CISD3: variants seen among roughly 807,000 people sequenced by gnomAD.
CISD3 encodes the protein CDGSH iron sulfur domain 3.
A neutral mutation model predicts 14.1 loss-of-function variants in CISD3; 11 were observed. That is an observed-to-expected ratio of 0.78 (90% confidence interval 0.49 to 1.29). The LOEUF (loss-of-function observed/expected upper bound fraction) is 1.29. Ranked by LOEUF, CISD3 falls within the 50% of genes most tolerant of loss-of-function variation. The pLI is 0.00. For missense variants in CISD3, 156 were observed against 171.6 expected (o/e 0.91, Z 0.51); for synonymous variants, 53 against 69.2 (o/e 0.77, Z 1.16).
Position 38,733,428 on chromosome 17 carries a change from G to T in CISD3, c.357G>T (p.Gln119His). ...CDGTHRSERV[Q>H]KAEVGSPL ...GCACCCACAGGAGTGAGCGCGTGCA[G>T]AAGGCAGAAGTGGGCTCCCCACTCT... Residue 119 changes from glutamine to histidine, a missense_variant, in exon 4 of 4, where the codon CAG (glutamine) becomes CAT (histidine). Transcript: ENST00000613478. 6.5e-7 allele frequency: 1 copy of T among 1,544,204 alleles called. No individual in the cohort carries two copies. Among genetic ancestry groups the T allele is most frequent in the Non-Finnish European group, 8.8e-7 (1 of 1,141,652 alleles).
rs758928043 is a variant in CISD3 at position 38,730,793 on chromosome 17, C to CT, written c.83dup (p.Ala29GlyfsTer6). On this transcript the variant is annotated frameshift_variant and splice_region_variant, in exon 2 of 4. Transcript: ENST00000613478. LOFTEE classifies it high-confidence loss of function. ...CCCGCGGCGGGACATCTCCTCCTGG[C>CT]TGGTGAGTCCCCCCATCCTCCCCTC... The CT allele has an allele frequency of 1.1e-4, 166 of 1,551,634 alleles. No homozygotes were observed. Among genetic ancestry groups the CT allele is most frequent in the Non-Finnish European group, 1.4e-4 (160 of 1,146,876 alleles).
Position 38,734,825 on chromosome 17 carries a change from A to G in CISD3, c.*1370A>G, listed in dbSNP as rs1906548998. ...ATCATGCCTAAAGCTTTGGGTCTGA[A>G]GGGGCCCCCAACACACCACCTGCCT... On this transcript the variant is annotated 3_prime_UTR_variant, in exon 4 of 4. Transcript: ENST00000613478. 2 of 160,584 alleles carry G rather than the reference A, an allele frequency of 1.2e-5. No individual in the cohort carries two copies. Among genetic ancestry groups the G allele is most frequent in the Non-Finnish European group, 2.7e-5 (2 of 73,872 alleles). 9.9% of individuals were successfully genotyped at this position (160,584 alleles called of 1,614,324 possible).
At chr17:38,733,225 C>CTGCCG (rs1224478997) in intron 3 of CISD3, 51 bp from the exon 4 acceptor site, 1 of 1,544,200 alleles carries the variant, frequency 6.5e-7, no homozygotes, top group Non-Finnish European at 8.8e-7. Flanking sequence ...CTGCCCTGCC[C>CTGCCG]TGCCCCAGCA....
Position 38,733,262 on chromosome 17 carries a change from CT to C in CISD3, c.205-11del. 1 of 1,551,436 alleles carries C rather than the reference CT, an allele frequency of 6.4e-7. No individual in the cohort carries two copies. The highest frequency in any genetic ancestry group is 8.7e-7 in the Non-Finnish European group (1 of 1,146,960). ...GTGGGGTCAGGTCTTTGACTCCTGT[CT>C]TTCCCCCACCAGCCCTTCTGTGACG... On this transcript the variant is annotated splice_polypyrimidine_tract_variant and intron_variant, in intron 3 of 3. Coordinates refer to ENST00000613478, the MANE Select transcript of CISD3 (RefSeq NM_001136498.2).
At position 38,735,235 on chromosome 17, in the gene CISD3, G is replaced by C. The variant is rs371320094; in HGVS notation, c.*1780G>C. ...AGGGTCCCTGGCCTCAAGTTAAGGG[G>C]GGCACGGGAGCGCCGTTGACAGTCA... On this transcript the variant is annotated 3_prime_UTR_variant, in exon 4 of 4. Transcript: ENST00000613478. The C allele has an allele frequency of 2.1e-6, 3 of 1,440,614 alleles. 1 individual carries two copies. Among genetic ancestry groups the C allele is most frequent in the South Asian group, 3.0e-5 (2 of 67,784 alleles). 89.2% of individuals were successfully genotyped at this position (1,440,614 alleles called of 1,614,324 possible). A position where few individuals can be genotyped will look rare whatever the true frequency, so the allele number is the denominator to read the frequency against.
At chr17:38,731,266 C>T (rs1000257530) in intron 2 of CISD3, 54 bp from the exon 3 acceptor site, 37 of 1,539,720 alleles carry the variant, frequency 2.4e-5, no homozygotes, top group African/African-American at 6.9e-5. Flanking sequence ...GCAGGCCGGA[C>T]GGTGCTTCCA....
rs1714085338 is a variant in CISD3, at chr17:38,735,259, C to G, written c.*1804C>G. ...GGGGCACGGGAGCGCCGTTGACAGT[C>G]ATCTTGCGCCCCCTGCTGGTGGAGG... On this transcript the variant is annotated 3_prime_UTR_variant, in exon 4 of 4. Coordinates refer to ENST00000613478, the MANE Select transcript of CISD3 (RefSeq NM_001136498.2). 4.8e-6 allele frequency: 7 copies of G among 1,462,768 alleles called. No individual in the cohort carries two copies. The highest frequency in any genetic ancestry group is 6.4e-6 in the Non-Finnish European group (7 of 1,096,870). The allele number at this position is 1,462,768 out of a possible 1,614,324, so 90.6% of individuals were successfully genotyped here.
chr17:38,730,866 G>A, intron 2 of CISD3, 71 bp downstream of exon 2: 1 of 1,455,420 alleles, frequency 6.9e-7, no homozygotes, highest in South Asian at 1.2e-5. Flanking sequence ...GGCAGAAACA[G>A]GAAATGGAGC....
Position 38,733,999 on chromosome 17 carries a change from A to C in CISD3, c.*544A>C, listed in dbSNP as rs1258434954. 6.5e-6 allele frequency: 1 copy of C among 153,088 alleles called. No individual in the cohort carries two copies. Among genetic ancestry groups the C allele is most frequent in the Non-Finnish European group, 1.5e-5 (1 of 68,692 alleles). 9.5% of individuals were successfully genotyped at this position (153,088 alleles called of 1,614,324 possible). ...CAGACACAGGACAAGGTGCAAACAC[A>C]GACAAGCCCATCAGGGGGCTCCCAA... On this transcript the variant is annotated 3_prime_UTR_variant, in exon 4 of 4. Coordinates refer to ENST00000613478, the MANE Select transcript of CISD3 (RefSeq NM_001136498.2).
intron 1 of CISD3, 97 bp downstream of exon 1, chr17:38,730,503 C>G: frequency 9.3e-7 from 1 of 1,072,682 alleles, no homozygotes; most frequent in African/African-American, 1.6e-5. Context: ...CATCCCGGAG[C>G]TCCCGGCCCG....
In CISD3 at chr17:38,733,744, A is replaced by G; in HGVS notation, c.*289A>G. The G allele has an allele frequency of 5.2e-6, 2 of 386,468 alleles. No individual in the cohort carries two copies. Among genetic ancestry groups the G allele is most frequent in the Non-Finnish European group, 4.6e-6 (1 of 215,648 alleles). 23.9% of individuals were successfully genotyped at this position (386,468 alleles called of 1,614,324 possible). A position where few individuals can be genotyped will look rare whatever the true frequency, so the allele number is the denominator to read the frequency against. On this transcript the variant is annotated 3_prime_UTR_variant, in exon 4 of 4. Coordinates refer to ENST00000613478, the MANE Select transcript of CISD3 (RefSeq NM_001136498.2). ...AGGCCCACGTGCTGCCTCCTGCTCCAGATTTTAACCTCTCTGTGGGCTGGG... is the reference window on the plus strand; with the variant it reads ...AGGCCCACGTGCTGCCTCCTGCTCCGGATTTTAACCTCTCTGTGGGCTGGG...
Position 38,730,388 on chromosome 17 carries a change from G to A in CISD3, c.30G>A (p.Pro10=). The A allele has an allele frequency of 1.7e-6, 2 of 1,205,870 alleles. No homozygotes were observed. The highest frequency in any genetic ancestry group is 2.1e-6 in the Non-Finnish European group (2 of 971,208). The allele number at this position is 1,205,870 out of a possible 1,614,324, so 74.7% of individuals were successfully genotyped here. The change falls in exon 1 of 4, where the codon CCG becomes CCA. Residue 10 remains proline, a synonymous_variant. Transcript: ENST00000613478. ...GCGGCGCGGGGGCGATCCTGCGGCC[G>A]GCGGCGCGTGGTGCCCGGGTGAGCA... MRGAGAILR[P]AARGARDLNP...
At chr17:38,731,715 G>C in intron 3 of CISD3, 1 of 438,254 alleles carries the variant, frequency 2.3e-6, no homozygotes, top group Non-Finnish European at 4.2e-6. Flanking sequence ...TCTCAGAGGT[G>C]CACTGCATGG....
rs549743241 is a variant in CISD3, at chr17:38,731,448, CCT to C, written c.204+10_204+11del. 4.9e-3 allele frequency: 7,571 copies of C among 1,551,550 alleles called. 41 individuals carry two copies. Among genetic ancestry groups the C allele is most frequent in the South Asian group, 0.018 (1,505 of 84,058 alleles). On this transcript the variant is annotated intron_variant, in intron 3 of 3. Transcript: ENST00000613478. The stretch of plus-strand genomic sequence containing the variant: ...GCCGCAGCAAGAAGCAGGTGAGACC[CCT>C]GTCTGCCTTCCTACTGATACCTCTG...
chr17:38,730,825 G>A, intron 2 of CISD3, 30 bp downstream of exon 2: 5 of 1,547,710 alleles, frequency 3.2e-6, no homozygotes, highest in Non-Finnish European at 4.4e-6. Flanking sequence ...CCTCCTCCTC[G>A]CACAAGACCC....
rs1164568644 is a variant in CISD3 at position 38,730,374 on chromosome 17, G to A, written c.16G>A (p.Ala6Thr). 11 of 1,190,448 alleles carry A rather than the reference G, an allele frequency of 9.2e-6. No homozygotes were observed. The highest frequency in any genetic ancestry group is 1.1e-5 in the Non-Finnish European group (11 of 961,596). 73.7% of individuals were successfully genotyped at this position (1,190,448 alleles called of 1,614,324 possible). A position where few individuals can be genotyped will look rare whatever the true frequency, so the allele number is the denominator to read the frequency against. The stretch of plus-strand genomic sequence containing the variant: ...GGAGGCGACCATGCGCGGCGCGGGG[G>A]CGATCCTGCGGCCGGCGGCGCGTGG... MRGAG[A>T]ILRPAARGAR... is the part of the protein sequence containing the mutation. Residue 6 changes from alanine (A) to threonine (T), a missense_variant, in exon 1 of 4, where the codon GCG becomes ACG. By Grantham distance (58) the Ala-to-Thr change is moderately conservative. Transcript: ENST00000613478.
At chr17:38,730,455 C>T (rs1338470735) in intron 1 of CISD3, 49 bp downstream of exon 1, 3 of 1,214,918 alleles carry the variant, frequency 2.5e-6, no homozygotes, top group Middle Eastern at 2.5e-4. Flanking sequence ...CCCAGCCGGG[C>T]CCCTGCCAGC....
Position 38,735,154 on chromosome 17 carries a change from A to C in CISD3, c.*1699A>C. 8.3e-7 allele frequency: 1 copy of C among 1,209,638 alleles called. No individual in the cohort carries two copies. Among genetic ancestry groups the C allele is most frequent in the Non-Finnish European group, 1.1e-6 (1 of 933,396 alleles). The allele number at this position is 1,209,638 out of a possible 1,614,324, so 74.9% of individuals were successfully genotyped here. On this transcript the variant is annotated 3_prime_UTR_variant, in exon 4 of 4. Coordinates refer to ENST00000613478, the MANE Select transcript of CISD3 (RefSeq NM_001136498.2). ...GAGCTGGGGAAAGTAGAAGAGGTGG[A>C]AAAAAGGGCCCAGAAAAAGTGGAAG...
Position 38,735,174 on chromosome 17 carries a change from T to C in CISD3, c.*1719T>C, listed in dbSNP as rs1030873311. On this transcript the variant is annotated 3_prime_UTR_variant, in exon 4 of 4. Transcript: ENST00000613478. ...GGTGGAAAAAAGGGCCCAGAAAAAG[T>C]GGAAGGAGTGGAGAGGCTTGGCTGG... The C allele has an allele frequency of 1.2e-5, 15 of 1,277,126 alleles. No homozygotes were observed. In the African/African-American group the frequency reaches 2.3e-4, roughly 20 times the overall value. 79.1% of individuals were successfully genotyped at this position (1,277,126 alleles called of 1,614,324 possible).
Sources: gnomAD v4.1 joint callset for allele counts on GRCh38, gnomAD v4.1.1 for gene constraint, MANE v1.5 for transcripts, NCBI Gene and HGNC (gene_info 2026-07-23, HGNC 2026-07-21) for gene names.